The following SOS2 variants were observed in gnomAD, a reference collection of about 807,000 sequenced individuals.
SOS2 encodes SOS Ras/Rho guanine nucleotide exchange factor 2.
SOS2 carries 65 observed loss-of-function variants against 148.2 expected under a neutral mutation model. That is an observed-to-expected ratio of 0.44 (90% CI 0.36 to 0.54). The LOEUF (loss-of-function observed/expected upper bound fraction) is 0.54, where lower values mean the gene tolerates loss of function less well. Ranked by LOEUF, SOS2 falls within the 20% of genes least tolerant of loss-of-function variation. The probability of loss-of-function intolerance (pLI) is 0.00; values close to 1 mark genes in which losing one functional copy is unlikely to be tolerated. For synonymous variants in SOS2, 539 were observed against 537.1 expected, an observed-to-expected ratio of 1.00 and a Z score of -0.05; for missense variants, 1,341 against 1,590.2, an observed-to-expected ratio of 0.84 and a Z score of 2.67.
chr14:50,201,532 G>GAAAAAAAAAAAAA (rs11342999), intron 2 of SOS2, among the ~76,000 whole-genome samples: 2 of 90,566 alleles, frequency 2.2e-5, no homozygotes, highest in African/African-American at 4.4e-5. Context: ...ACCCCCAACA[G>GAAAAAAAAAAAAA]AAAAAAAAAA....
chr14:50,165,283 T>G (rs1336302335), intron 8 of SOS2, among the ~76,000 whole-genome samples: 2 of 152,130 alleles, frequency 1.3e-5, no homozygotes, highest in African/African-American at 4.8e-5. Flanking sequence ...TAAGGTAATA[T>G]TTTCCCCCAA....
chr14:50,133,235 C>CTTTTTTTTTT (rs1883951975), intron 19 of SOS2, among the ~76,000 whole-genome samples: 4 of 122,640 alleles, frequency 3.3e-5, no homozygotes, highest in Admixed American at 9.8e-5. Flanking sequence ...AACTTTTTTT[C>CTTTTTTTTTT]TTTTTTCTTT....
At chr14:50,224,423 G>A (rs1002190132) in intron 1 of SOS2, among the ~76,000 whole-genome samples, 1 of 148,872 alleles carries the variant, frequency 6.7e-6, no homozygotes, top group African/African-American at 2.5e-5. Flanking sequence ...AGATGAGGAG[G>A]AATCAAGGGA....
intron 8 of SOS2, among the ~76,000 whole-genome samples, chr14:50,171,304 T>C (rs1488818515): frequency 3.3e-5 from 5 of 151,964 alleles, no homozygotes; most frequent in East Asian, 1.9e-4. Context: ...GGTATATACA[T>C]AAAATAATTC....
At chr14:50,198,444 A>G (rs1358032867) in intron 4 of SOS2, among the ~76,000 whole-genome samples, 1 of 152,224 alleles carries the variant, frequency 6.6e-6, no homozygotes, top group Non-Finnish European at 1.5e-5. Context: ...TCATTTCTGA[A>G]ATTATGGCAT....
At position 50,133,825 on chromosome 14, in the gene SOS2, C is replaced by CT. The variant is rs533038248; in HGVS notation, c.3075+297dup. ...TTGCTTACTCCTTCCCAGGTCTTTT[C>CT]TTTTTTTTTCTGTTCCATTCAGCTA... On this transcript the variant is annotated intron_variant, in intron 19 of 22. Transcript: ENST00000216373. Among the ~76,000 whole-genome samples, 34 of 151,306 alleles carry CT rather than the reference C, an allele frequency of 2.2e-4. No individual in the cohort carries two copies. The East Asian group carries it at 5.0e-3, about 22-fold the overall frequency.
intron 21 of SOS2, among the ~76,000 whole-genome samples, chr14:50,125,445 GTAC>G (rs1471967471): frequency 6.6e-6 from 1 of 152,160 alleles, no homozygotes; most frequent in Non-Finnish European, 1.5e-5. Context: ...TGTTATGGCA[GTAC>G]TAAGAAACTA....
intron 1 of SOS2, among the ~76,000 whole-genome samples, chr14:50,214,700 C>CTTT (rs755314459): frequency 7.6e-6 from 1 of 131,226 alleles, no homozygotes; most frequent in Non-Finnish European, 1.7e-5. Flanking sequence ...AAGGCCGTTT[C>CTTT]TTTTTTTTTT....
intron 16 of SOS2, among the ~76,000 whole-genome samples, chr14:50,143,533 G>T (rs1267197345): frequency 6.6e-6 from 1 of 151,972 alleles, no homozygotes; most frequent in Non-Finnish European, 1.5e-5. Context: ...CACCAGGCAG[G>T]TTCAAGCGAT....
chr14:50,145,112 C>G, intron 16 of SOS2, 58 bp downstream of exon 16: 1 of 973,856 alleles, frequency 1.0e-6, no homozygotes, highest in Non-Finnish European at 1.4e-6. Flanking sequence ...GATGAAATTT[C>G]TTTTATGCTA....
At chr14:50,128,932 T>C (rs1166056760) in intron 21 of SOS2, among the ~76,000 whole-genome samples, 1 of 152,096 alleles carries the variant, frequency 6.6e-6, no homozygotes, top group Non-Finnish European at 1.5e-5. Context: ...ATAAAAATTT[T>C]TTAACCTAAA....
intron 16 of SOS2, among the ~76,000 whole-genome samples, chr14:50,143,329 GA>G (rs11455809): frequency 2.5e-4 from 32 of 126,730 alleles, no homozygotes; most frequent in South Asian, 7.7e-4. Context: ...GACTCTTTAG[GA>G]AAAAAAAAAA....
At chr14:50,175,607 T>G (rs769659861) in intron 7 of SOS2, among the ~76,000 whole-genome samples, 2 of 152,096 alleles carry the variant, frequency 1.3e-5, no homozygotes, top group African/African-American at 2.4e-5. Context: ...TAAAGCTCTC[T>G]GTGCCTTTAT....
In SOS2 at chr14:50,134,149, G is replaced by A; in HGVS notation, c.3049C>T (p.Arg1017Ter). 1 of 1,590,966 alleles carries A rather than the reference G, an allele frequency of 6.3e-7. No homozygotes were observed. Among genetic ancestry groups the A allele is most frequent in the Non-Finnish European group, 8.6e-7 (1 of 1,160,570 alleles). Residue 1017 changes from arginine to a stop codon, truncating the protein, a stop_gained, in exon 19 of 23, where the codon CGA becomes TGA. Transcript: ENST00000216373. LOFTEE classifies it high-confidence loss of function. ...LFNKSLEIEP[R>*]NCKQPPRFPR... is the part of the protein sequence containing the mutation. ...AATCGAGGTGGCTGTTTGCAGTTTCGAGGTTCAATTTCTAGTGACTTGTTG... is the reference window on the plus strand; with the variant it reads ...AATCGAGGTGGCTGTTTGCAGTTTCAAGGTTCAATTTCTAGTGACTTGTTG...
intron 20 of SOS2, 138 bp downstream of exon 20, chr14:50,130,360 AATC>A (rs2139511572): frequency 1.4e-6 from 1 of 695,586 alleles, no homozygotes; most frequent in South Asian, 2.0e-5. Context: ...TTCTTGTATT[AATC>A]ATTATTTTCA....
chr14:50,198,833 A>G (rs1886393460), intron 4 of SOS2, among the ~76,000 whole-genome samples: 1 of 152,228 alleles, frequency 6.6e-6, no homozygotes. Flanking sequence ...TAAAATAAAT[A>G]CCTTCTAACA....
chr14:50,158,066 A>G (rs10149742), intron 11 of SOS2, among the ~76,000 whole-genome samples: 21,691 of 152,122 alleles, frequency 0.14, 2,044 homozygotes, highest in African/African-American at 0.26. Context: ...TGGGGTGTTT[A>G]AATTTGTAGG....
At chr14:50,169,034 T>TGGTG (rs1292370064) in intron 8 of SOS2, among the ~76,000 whole-genome samples, 1 of 152,190 alleles carries the variant, frequency 6.6e-6, no homozygotes, top group African/African-American at 2.4e-5. Flanking sequence ...TTGTTAGGCC[T>TGGTG]GGTGCAGTGG....
intron 21 of SOS2, 30 bp from the exon 22 acceptor site, chr14:50,120,414 A>G: frequency 1.0e-6 from 1 of 999,326 alleles, no homozygotes; most frequent in East Asian, 2.4e-5. Context: ...GTTTAACCAC[A>G]ATTCACAGTA....
Sources: allele counts gnomAD v4.1 joint callset (sites outside exome capture counted in the v4.1 genomes callset), GRCh38; gene constraint gnomAD v4.1.1; transcripts MANE v1.5; gene names NCBI Gene and HGNC (gene_info 2026-07-23, HGNC 2026-07-21).